MDGA2: variants seen among roughly 807,000 people sequenced by gnomAD.
MDGA2 encodes MAM domain-containing glycosylphosphatidylinositol anchor protein 2.
Under a neutral mutation model 117.8 loss-of-function variants are expected in MDGA2, and 40 were observed. That is an observed-to-expected ratio of 0.34 (90% CI 0.26 to 0.44). MDGA2 has a LOEUF of 0.44. Among genes scored for constraint, MDGA2 ranks in the 20% least tolerant of loss-of-function variants. The pLI, the probability that MDGA2 is intolerant of heterozygous loss-of-function variation, is 1.00. For synonymous variants in MDGA2, 452 were observed against 439.0 expected (o/e 1.03, Z -0.37); for missense variants, 1,123 against 1,250.6 (o/e 0.90, Z 1.54).
chr14:47,086,607 C>T (rs1890911165), intron 6 of MDGA2, among the ~76,000 whole-genome samples: 2 of 62,310 alleles, frequency 3.2e-5, no homozygotes, highest in Admixed American at 3.2e-4. Context: ...AGAAGTTAAA[C>T]ATAGATTTTT....
intron 14 of MDGA2, among the ~76,000 whole-genome samples, chr14:46,868,275 A>G (rs1470115791): frequency 6.6e-6 from 1 of 151,834 alleles, no homozygotes; most frequent in Non-Finnish European, 1.5e-5. Flanking sequence ...GTTATGCATG[A>G]CTTAGATGAT....
chr14:47,668,631 T>C (rs1467842625), intron 1 of MDGA2, among the ~76,000 whole-genome samples: 1 of 152,226 alleles, frequency 6.6e-6, no homozygotes, highest in African/African-American at 2.4e-5. Context: ...ACTCAGTCAC[T>C]GAAGCAAAGA....
chr14:46,903,613 T>C (rs888726518), intron 10 of MDGA2, among the ~76,000 whole-genome samples: 5 of 152,180 alleles, frequency 3.3e-5, no homozygotes, highest in Non-Finnish European at 5.9e-5. Flanking sequence ...TTAATTATTA[T>C]ACCTCTATTT....
At chr14:47,536,924 T>G (rs1485467085) in intron 1 of MDGA2, among the ~76,000 whole-genome samples, 1 of 152,194 alleles carries the variant, frequency 6.6e-6, no homozygotes, top group African/African-American at 2.4e-5. Context: ...TGTATGACCT[T>G]GCCTTAAAGT....
intron 2 of MDGA2, 60 bp from the exon 3 acceptor site, chr14:47,218,255 T>G: frequency 7.2e-7 from 1 of 1,381,168 alleles, no homozygotes. Context: ...AGAAATCAAA[T>G]AGCAATCACT....
chr14:47,323,976 T>C (rs1046381636), intron 1 of MDGA2, among the ~76,000 whole-genome samples: 1 of 152,112 alleles, frequency 6.6e-6, no homozygotes, highest in Admixed American at 6.5e-5. Context: ...CCAGGCGTGG[T>C]GGCTCACGCC....
chr14:47,608,943 G>C (rs988895799), intron 1 of MDGA2, among the ~76,000 whole-genome samples: 3 of 151,962 alleles, frequency 2.0e-5, no homozygotes, highest in Non-Finnish European at 2.9e-5. Flanking sequence ...AGGGAGTCAA[G>C]GTTTTTGACC....
In MDGA2 at chr14:47,000,398, T is replaced by TG. The variant is rs1555342228; in HGVS notation, c.1819+34612_1819+34613insC. On this transcript the variant is annotated intron_variant, in intron 8 of 16. Transcript: ENST00000399232. The stretch of plus-strand genomic sequence containing the variant: ...ATATTTATATATATATATTTATATA[T>TG]AAATATATATTTATATATATACACA... Among the ~76,000 whole-genome samples the TG allele has an allele frequency of 1.9e-4, 3 of 15,636 alleles. No homozygotes were observed. The East Asian group carries it at 0.014, about 74-fold the overall frequency. The allele number at this position is 15,636 out of a possible 152,430, so 10.3% of individuals were successfully genotyped here. A position where few individuals can be genotyped will look rare whatever the true frequency, so the allele number is the denominator to read the frequency against.
intron 1 of MDGA2, among the ~76,000 whole-genome samples, chr14:47,548,104 C>A (rs1401264974): frequency 2.0e-5 from 3 of 152,144 alleles, no homozygotes; most frequent in East Asian, 3.8e-4. Flanking sequence ...TTTGTACTCT[C>A]TTTTACATGC....
intron 3 of MDGA2, among the ~76,000 whole-genome samples, chr14:47,175,322 C>G (rs1326191020): frequency 6.6e-6 from 1 of 151,630 alleles, no homozygotes. Context: ...ATCCTGATAC[C>G]AAAGCCGGGC....
rs1013862864 is a variant in MDGA2, at chr14:46,841,156, C to G, written c.*775G>C. 14 of 152,526 alleles carry G rather than the reference C, an allele frequency of 9.2e-5. No homozygotes were observed. The highest frequency in any genetic ancestry group is 2.9e-4 in the African/African-American group (12 of 41,422). The allele number at this position is 152,526 out of a possible 1,614,324, so 9.4% of individuals were successfully genotyped here. The stretch of plus-strand genomic sequence containing the variant: ...TTTATAAAAGATGGTGGTTTGGTTT[C>G]TTCATTGGAACAGATGACGTAGTTT... On this transcript the variant is annotated 3_prime_UTR_variant, in exon 17 of 17. Coordinates refer to ENST00000399232, the MANE Select transcript of MDGA2 (RefSeq NM_001113498.3).
At chr14:47,148,028 C>T (rs1419260368) in intron 3 of MDGA2, among the ~76,000 whole-genome samples, 1 of 152,094 alleles carries the variant, frequency 6.6e-6, no homozygotes, top group Non-Finnish European at 1.5e-5. Flanking sequence ...ACTGCATTAA[C>T]TGGGTATCAA....
At chr14:47,409,065 C>T (rs1892318814) in intron 1 of MDGA2, among the ~76,000 whole-genome samples, 1 of 152,054 alleles carries the variant, frequency 6.6e-6, no homozygotes, top group South Asian at 2.1e-4. Context: ...GGCGATAAAA[C>T]CAGAAAGGCG....
intron 1 of MDGA2, among the ~76,000 whole-genome samples, chr14:47,437,560 C>T (rs1414678204): frequency 6.6e-6 from 1 of 152,028 alleles, no homozygotes; most frequent in Non-Finnish European, 1.5e-5. Flanking sequence ...TCAAATCCAC[C>T]CACAGTTTGT....
rs200167750 is a variant in MDGA2 at position 47,573,705 on chromosome 14, C to T, written c.280+100812G>A. Among the ~76,000 whole-genome samples, 3 of 152,180 alleles carry T rather than the reference C, an allele frequency of 2.0e-5. No individual in the cohort carries two copies. The East Asian group carries it at 5.8e-4, about 29-fold the overall frequency. ...ATTTACTGGCCAACTTGTGCTCCAG[C>T]TGCTTAAACACAGCTGCTCTTAATA... On this transcript the variant is annotated intron_variant, in intron 1 of 16. Transcript: ENST00000399232.
At chr14:47,201,218 TCTTAC>T (rs1885495838) in intron 3 of MDGA2, 1 of 523,646 alleles carries the variant, frequency 1.9e-6, no homozygotes, top group African/African-American at 1.9e-5. Flanking sequence ...AACCCCTCTC[TCTTAC>T]ATGATTCCTG....
chr14:47,090,691 T>TG (rs1277856949), intron 6 of MDGA2, among the ~76,000 whole-genome samples: 1 of 152,176 alleles, frequency 6.6e-6, no homozygotes, highest in East Asian at 1.9e-4. Context: ...CTGTAGTTCT[T>TG]CAGAAGCTAC....
At chr14:47,353,592 G>T (rs977611416) in intron 1 of MDGA2, among the ~76,000 whole-genome samples, 52 of 152,292 alleles carry the variant, frequency 3.4e-4, no homozygotes, top group African/African-American at 1.2e-3. Flanking sequence ...AATCCAATCT[G>T]CCTGGTGTAC....
chr14:47,410,294 G>A (rs2138483940), intron 1 of MDGA2, among the ~76,000 whole-genome samples: 1 of 152,244 alleles, frequency 6.6e-6, no homozygotes, highest in East Asian at 1.9e-4. Flanking sequence ...AGAGAAAAAT[G>A]AAGTAGTGAT....
Sources: gnomAD v4.1 joint callset for allele counts (sites outside exome capture counted in the v4.1 genomes callset) on GRCh38, gnomAD v4.1.1 for gene constraint, MANE v1.5 for transcripts, NCBI Gene and HGNC (gene_info 2026-07-23, HGNC 2026-07-21) for gene names.